SPMAP2: variants seen among roughly 807,000 people sequenced by gnomAD.
The protein encoded by SPMAP2 is sperm microtubule associated protein 2.
the SPMAP2 span, chr19:375,551 G>T: frequency 8.6e-7 from 1 of 1,159,874 alleles, no homozygotes. Flanking sequence ...GAGCCAGGCC[G>T]GTGGCCGGTT....
the SPMAP2 span, chr19:362,403 A>G: frequency 6.2e-7 from 1 of 1,606,340 alleles, no homozygotes; most frequent in Non-Finnish European, 8.5e-7. Context: ...TCAGGAACGC[A>G]CTTGTCCGAC....
chr19:362,199 C>T, the SPMAP2 span: 1 of 1,492,662 alleles, frequency 6.7e-7, no homozygotes, highest in East Asian at 2.4e-5. Flanking sequence ...GAGCGGAGGT[C>T]TTAGAGGCCA....
the SPMAP2 span, chr19:367,317 G>C: frequency 8.3e-7 from 1 of 1,204,138 alleles, no homozygotes; most frequent in Non-Finnish European, 1.1e-6. Context: ...AACACTGAAA[G>C]ACACAAGACA....
chr19:372,843 G>A, the SPMAP2 span: 1 of 741,340 alleles, frequency 1.3e-6, no homozygotes, highest in African/African-American at 1.7e-5. Flanking sequence ...ACAACTGGGG[G>A]CCAGACACCC....
chr19:365,736 A>G, the SPMAP2 span, among the ~76,000 whole-genome samples: 1 of 146,112 alleles, frequency 6.8e-6, no homozygotes, highest in African/African-American at 2.6e-5. Context: ...GTGTGAGCAC[A>G]TACAGCCACA....
the SPMAP2 span, chr19:375,715 C>T: frequency 6.2e-7 from 1 of 1,606,806 alleles, no homozygotes; most frequent in Non-Finnish European, 8.5e-7. Flanking sequence ...CTCTCCAACT[C>T]AGAAAGTGCC....
the SPMAP2 span, among the ~76,000 whole-genome samples, chr19:364,145 C>G: frequency 9.7e-4 from 145 of 148,764 alleles, 1 homozygote; most frequent in African/African-American, 2.4e-3. Context: ...CATCCTGGCT[C>G]ACACGGTGAA....
chr19:371,369 GGTGTGTGTGT>G, the SPMAP2 span: 16 of 851,082 alleles, frequency 1.9e-5, no homozygotes, highest in Admixed American at 3.0e-5. Context: ...CGGGGGTGGG[GGTGTGTGTGT>G]GTGTGTGTGT....
chr19:373,683 C>T, the SPMAP2 span: 140 of 716,256 alleles, frequency 2.0e-4, no homozygotes, highest in Non-Finnish European at 2.7e-4. Flanking sequence ...GGGGGGCCGG[C>T]GGGACGCGTG....
chr19:367,179 G>A, the SPMAP2 span: 31 of 1,608,094 alleles, frequency 1.9e-5, no homozygotes, highest in African/African-American at 5.4e-5. Flanking sequence ...TGGAGGATCC[G>A]CGAGCTGGGG....
At chr19:368,357 G>A in the SPMAP2 span, among the ~76,000 whole-genome samples, 13 of 151,964 alleles carry the variant, frequency 8.6e-5, no homozygotes, top group African/African-American at 2.4e-4. The surrounding 1 kb of genome is among the most constrained non-coding windows in gnomAD (Gnocchi z 4.1). Flanking sequence ...GCTTGCTCCC[G>A]TACACGTGTG....
chr19:372,853 C>T, the SPMAP2 span, among the ~76,000 whole-genome samples: 1 of 152,210 alleles, frequency 6.6e-6, no homozygotes, highest in East Asian at 1.9e-4. Flanking sequence ...GCCAGACACC[C>T]TGCAGAGAGA....
the SPMAP2 span, among the ~76,000 whole-genome samples, chr19:375,062 G>T: frequency 6.6e-6 from 1 of 152,184 alleles, no homozygotes; most frequent in Non-Finnish European, 1.5e-5. Context: ...ACGGTGAGAA[G>T]GGGGCAGGTC....
chr19:374,154 G>A, the SPMAP2 span: 3 of 1,483,144 alleles, frequency 2.0e-6, no homozygotes, highest in African/African-American at 1.4e-5. Context: ...TCCTTAACTG[G>A]CCAACCCCAC....
chr19:366,096 C>T, the SPMAP2 span, among the ~76,000 whole-genome samples: 3 of 151,752 alleles, frequency 2.0e-5, no homozygotes, highest in Non-Finnish European at 2.9e-5. Flanking sequence ...GCCGAGATCG[C>T]GCCACTGCAC....
the SPMAP2 span, chr19:367,213 T>C: frequency 1.3e-6 from 2 of 1,597,824 alleles, no homozygotes; most frequent in Non-Finnish European, 1.7e-6. Flanking sequence ...CTGCCCTGGA[T>C]ACCTGGGACA....
chr19:363,889 G>A, the SPMAP2 span, among the ~76,000 whole-genome samples: 3 of 152,042 alleles, frequency 2.0e-5, no homozygotes, highest in Non-Finnish European at 2.9e-5. Context: ...GCTGGAGCAC[G>A]ATCTTTAGCT....
chr19:375,278 A>G, the SPMAP2 span, among the ~76,000 whole-genome samples: 2 of 151,136 alleles, frequency 1.3e-5, no homozygotes, highest in African/African-American at 4.9e-5. Flanking sequence ...AATGGTTTCA[A>G]CTTTTGAGTT....
chr19:369,078 T>C, the SPMAP2 span, among the ~76,000 whole-genome samples: 2 of 152,186 alleles, frequency 1.3e-5, no homozygotes, highest in Non-Finnish European at 2.9e-5. Flanking sequence ...AATGTCCTTG[T>C]CTGTTAGAAA....
Sources: allele counts gnomAD v4.1 joint callset (sites outside exome capture counted in the v4.1 genomes callset), GRCh38; gene constraint gnomAD v4.1.1; non-coding constraint Gnocchi (gnomAD v3.1); transcripts MANE v1.5; gene names NCBI Gene and HGNC (gene_info 2026-07-23, HGNC 2026-07-21).